Variants in CCR3 observed in about 807,000 individuals in gnomAD.
CCR3 encodes C-C chemokine receptor type 3.
For synonymous variants in CCR3, 203 were observed against 179.2 expected, an observed-to-expected ratio of 1.13 and a Z score of -1.06; for missense variants, 419 against 437.5, an observed-to-expected ratio of 0.96 and a Z score of 0.38.
intron 2 of CCR3, among the ~76,000 whole-genome samples, chr3:46,213,303 C>T (rs936911520): frequency 6.6e-6 from 1 of 152,186 alleles, no homozygotes; most frequent in African/African-American, 2.4e-5. Flanking sequence ...GCTCATCTTC[C>T]AATCAGCTAG....
intron 2 of CCR3, among the ~76,000 whole-genome samples, chr3:46,227,418 A>AT (rs1463148406): frequency 3.3e-5 from 5 of 150,858 alleles, no homozygotes; most frequent in South Asian, 2.1e-4. Context: ...ACTTTTCTTG[A>AT]TTTTTTTGAA....
intron 1 of CCR3, among the ~76,000 whole-genome samples, chr3:46,257,935 G>T (rs1388463376): frequency 3.9e-5 from 6 of 152,186 alleles, no homozygotes; most frequent in African/African-American, 7.2e-5. Context: ...TAGTTCAAAG[G>T]CTGGTGAGCC....
chr3:46,216,227 G>A lies in CCR3; in HGVS notation c.-68+5320G>A, dbSNP rs149117660. ...CAATGTAAGGGACTGATTAAGTCCC[G>A]CTGGAATGCTATGCAACTTTATGTG... On this transcript the variant is annotated intron_variant, in intron 2 of 3. Transcript: ENST00000357422. 3.9e-4 allele frequency among the ~76,000 whole-genome samples: 60 copies of A among 152,284 alleles called. 1 individual carries two copies. The highest frequency in any genetic ancestry group is 3.4e-3 in the Middle Eastern group (1 of 294).
rs562323313 is a variant in CCR3 at position 46,265,305 on chromosome 3, C to A, written c.147C>A (p.Leu49=). The A allele has an allele frequency of 1.1e-5, 17 of 1,614,050 alleles. 2 individuals are homozygous for A. In the South Asian group the frequency reaches 1.9e-4, roughly 18 times the overall value. Residue 49 remains leucine (L), a synonymous_variant, in exon 2 of 2, where the codon CTC becomes CTA. Coordinates refer to ENST00000395940, the MANE Select transcript of CCR3 (RefSeq NM_178329.3). ...ACTCCCTGGTGTTCACTGTGGGCCT[C>A]TTGGGCAATGTGGTGGTGGTGATGA... ...PLYSLVFTVG[L]LGNVVVVMIL... is the part of the protein sequence containing the mutation.
upstream of CCR3, among the ~76,000 whole-genome samples, chr3:46,239,603 A>G (rs1465776142): frequency 6.6e-6 from 1 of 152,180 alleles, no homozygotes; most frequent in Non-Finnish European, 1.5e-5. Flanking sequence ...AGTGCTAATT[A>G]AGGAGACTGG....
At chr3:46,264,435 C>T in intron 1 of CCR3, 1 of 1,527,724 alleles carries the variant, frequency 6.5e-7, no homozygotes, top group Non-Finnish European at 8.7e-7. Context: ...CTGTTAAGAG[C>T]ACACAAGCCA....
At chr3:46,243,008 C>CATATATATATATATATAT (rs1248067512) in intron 1 of CCR3, among the ~76,000 whole-genome samples, 2 of 80,852 alleles carry the variant, frequency 2.5e-5, no homozygotes, top group African/African-American at 1.4e-4. Flanking sequence ...TATATACGCA[C>CATATATATATATATATAT]ACACACATAC....
chr3:46,252,334 G>T (rs1282154147), intron 1 of CCR3, among the ~76,000 whole-genome samples: 1 of 149,878 alleles, frequency 6.7e-6, no homozygotes, highest in Non-Finnish European at 1.5e-5. Flanking sequence ...CACCACTACT[G>T]CCCAGCTAAT....
At chr3:46,260,888 A>T (rs572559136) in intron 1 of CCR3, among the ~76,000 whole-genome samples, 1 of 152,322 alleles carries the variant, frequency 6.6e-6, no homozygotes, top group South Asian at 2.1e-4. Flanking sequence ...AGAAGACCAA[A>T]TTCTAGTTTT....
intron 2 of CCR3, among the ~76,000 whole-genome samples, chr3:46,227,451 C>T (rs1330979716): frequency 6.6e-6 from 1 of 151,652 alleles, no homozygotes; most frequent in Admixed American, 6.6e-5. Flanking sequence ...TGTTTCCTTG[C>T]CTTTTTTTCT....
rs895597763 is a variant in CCR3, at chr3:46,266,285, A to G, written c.*59A>G. 1 of 1,062,944 alleles carries G rather than the reference A, an allele frequency of 9.4e-7. No individual in the cohort carries two copies. Among genetic ancestry groups the G allele is most frequent in the Non-Finnish European group, 1.4e-6 (1 of 711,566 alleles). 65.8% of individuals were successfully genotyped at this position (1,062,944 alleles called of 1,614,324 possible). A position where few individuals can be genotyped will look rare whatever the true frequency, so the allele number is the denominator to read the frequency against. On this transcript the variant is annotated 3_prime_UTR_variant, in exon 2 of 2. Coordinates refer to ENST00000395940, the MANE Select transcript of CCR3 (RefSeq NM_178329.3). ...CCAAGGAGATGAAGCAAACACATTA[A>G]GCCTTCCACACTCACCTCTAAAACA...
chr3:46,240,088 G>C (rs1164879175), upstream of CCR3, among the ~76,000 whole-genome samples: 1 of 152,052 alleles, frequency 6.6e-6, no homozygotes, highest in African/African-American at 2.4e-5. Context: ...GTCATTGACC[G>C]CCTGTTGGCA....
intron 1 of CCR3, among the ~76,000 whole-genome samples, chr3:46,258,459 T>C (rs1348100864): frequency 6.6e-6 from 1 of 152,156 alleles, no homozygotes; most frequent in African/African-American, 2.4e-5. Flanking sequence ...ATTATAGCAT[T>C]TGGGATTGTG....
intron 1 of CCR3, among the ~76,000 whole-genome samples, chr3:46,243,002 T>TATATATATATATAC (rs56773457): frequency 8.1e-6 from 1 of 123,726 alleles, no homozygotes; most frequent in African/African-American, 3.3e-5. Context: ...TATATATATA[T>TATATATATATATAC]ACGCACACAC....
chr3:46,264,340 C>T lies in CCR3; in HGVS notation c.-11-808C>T, dbSNP rs377336995. On this transcript the variant is annotated intron_variant, in intron 1 of 1. Transcript: ENST00000395940. ...TTGTAATTATTGTAATAGTTAATTA[C>T]TGTGATTGTACATGTGTAACAGACA... The T allele has an allele frequency of 5.9e-4, 622 of 1,048,316 alleles. 1 individual carries two copies. The highest frequency in any genetic ancestry group is 8.5e-4 in the Non-Finnish European group (595 of 702,102). The allele number at this position is 1,048,316 out of a possible 1,614,324, so 64.9% of individuals were successfully genotyped here.
At chr3:46,254,234 G>C (rs1047828524) in intron 1 of CCR3, among the ~76,000 whole-genome samples, 3 of 152,140 alleles carry the variant, frequency 2.0e-5, no homozygotes, top group African/African-American at 7.2e-5. Context: ...TATCAAGAGG[G>C]CTCGACAACA....
intron 1 of CCR3, among the ~76,000 whole-genome samples, chr3:46,258,997 T>A (rs969335686): frequency 6.6e-6 from 1 of 152,206 alleles, no homozygotes; most frequent in Non-Finnish European, 1.5e-5. Context: ...TTAAAAAATA[T>A]GGCTGTTTCA....
chr3:46,215,375 T>C (rs1378514599), intron 2 of CCR3, among the ~76,000 whole-genome samples: 1 of 152,154 alleles, frequency 6.6e-6, no homozygotes, highest in Non-Finnish European at 1.5e-5. Context: ...GAAATGAAGG[T>C]TCTCAGGCCC....
intron 1 of CCR3, among the ~76,000 whole-genome samples, chr3:46,246,559 G>T (rs1011352067): frequency 3.3e-5 from 5 of 152,180 alleles, no homozygotes; most frequent in South Asian, 2.1e-4. Context: ...ATCACTTAAG[G>T]CAAGGACCGG....
Sources: gnomAD v4.1 joint callset for allele counts (sites outside exome capture counted in the v4.1 genomes callset) on GRCh38, gnomAD v4.1.1 for gene constraint, MANE v1.5 for transcripts, NCBI Gene and HGNC (gene_info 2026-07-23, HGNC 2026-07-21) for gene names.